Variants in NOVA1 observed in about 807,000 individuals in gnomAD.
NOVA1 encodes the protein NOVA alternative splicing regulator 1.
In NOVA1, 7 loss-of-function variants were observed where a neutral mutation model predicts 38.0. The observed-to-expected ratio is 0.18, with a 90% CI of 0.10 to 0.35. NOVA1 has a LOEUF of 0.35. NOVA1 is among the 10% of genes least tolerant of loss of function. The probability of loss-of-function intolerance (pLI) is 1.00; values close to 1 mark genes in which losing one functional copy is unlikely to be tolerated. For synonymous variants in NOVA1, 270 were observed against 232.5 expected, an observed-to-expected ratio of 1.16 and a Z score of -1.47; for missense variants, 460 against 616.0, an observed-to-expected ratio of 0.75 and a Z score of 2.68.
At chr14:26,515,434 T>C (rs1888391849) in intron 2 of NOVA1, among the ~76,000 whole-genome samples, 2 of 152,026 alleles carry the variant, frequency 1.3e-5, no homozygotes, top group African/African-American at 2.4e-5. Context: ...TTTTCTTACA[T>C]TCACTAGTAG....
chr14:26,530,538 A>C (rs1248590112), intron 2 of NOVA1, among the ~76,000 whole-genome samples: 1 of 152,184 alleles, frequency 6.6e-6, no homozygotes, highest in African/African-American at 2.4e-5. Flanking sequence ...GATCTATAAT[A>C]CTTATCTCTG....
intron 2 of NOVA1, among the ~76,000 whole-genome samples, chr14:26,572,686 T>A (rs1221498241): frequency 2.0e-5 from 3 of 150,428 alleles, no homozygotes; most frequent in Non-Finnish European, 4.4e-5. Context: ...TCCTGGATGA[T>A]CATATAAGCT....
chr14:26,585,752 AT>A (rs1893476749), intron 2 of NOVA1, among the ~76,000 whole-genome samples: 1 of 150,934 alleles, frequency 6.6e-6, no homozygotes, highest in South Asian at 2.1e-4. Flanking sequence ...ACTCTCCATA[AT>A]ATTGGATTTC....
At chr14:26,461,945 A>AC (rs368942891) in intron 4 of NOVA1, among the ~76,000 whole-genome samples, 1 of 151,180 alleles carries the variant, frequency 6.6e-6, no homozygotes, top group Admixed American at 6.6e-5. Flanking sequence ...CGTCTCAAAA[A>AC]ACAAAAACAA....
chr14:26,595,522 T>C lies in NOVA1; in HGVS notation c.168A>G (p.Ile56Met). 3 of 1,613,570 alleles carry C rather than the reference T, an allele frequency of 1.9e-6. No homozygotes were observed. Among genetic ancestry groups the C allele is most frequent in the East Asian group, 4.5e-5 (2 of 44,862 alleles). Reference sequence around the variant, plus strand: ...TTATAGATCCAGCAGCATAACTAGGTATGAGAACCTTTAGAAAATACTGGC... The same window carrying C: ...TTATAGATCCAGCAGCATAACTAGGCATGAGAACCTTTAGAAAATACTGGC... ...EDGQYFLKVL[I>M]PSYAAGSIIG... is the part of the protein sequence containing the mutation. Residue 56 changes from isoleucine to methionine, a missense_variant, in exon 2 of 5, where the codon ATA (isoleucine) becomes ATG (methionine). Physicochemically the swap from Ile to Met is conservative, Grantham distance 10. Transcript: ENST00000539517.
chr14:26,449,262 T>C (rs1245193), intron 4 of NOVA1, among the ~76,000 whole-genome samples: 97,357 of 152,042 alleles, frequency 0.64, 34,759 homozygotes, highest in Non-Finnish European at 0.79. Context: ...CAAGAGGGGA[T>C]CATAACTATA....
chr14:26,578,428 A>C (rs1391404307), intron 2 of NOVA1, among the ~76,000 whole-genome samples: 1 of 152,120 alleles, frequency 6.6e-6, no homozygotes, highest in African/African-American at 2.4e-5. Flanking sequence ...CAAGAACTTG[A>C]TACTGCAGGA....
At chr14:26,562,800 C>A (rs1372005426) in intron 2 of NOVA1, among the ~76,000 whole-genome samples, 2 of 152,162 alleles carry the variant, frequency 1.3e-5, no homozygotes, top group Non-Finnish European at 2.9e-5. Context: ...TTTACATATT[C>A]TCTTCTTTTC....
At chr14:26,580,031 A>G (rs1893113011) in intron 2 of NOVA1, among the ~76,000 whole-genome samples, 1 of 152,044 alleles carries the variant, frequency 6.6e-6, no homozygotes, top group Admixed American at 6.6e-5. Context: ...AGTAGCTGAG[A>G]TGAAAGGTGT....
chr14:26,503,732 C>T (rs1393177850), intron 2 of NOVA1, among the ~76,000 whole-genome samples: 1 of 151,920 alleles, frequency 6.6e-6, no homozygotes, highest in Non-Finnish European at 1.5e-5. Flanking sequence ...AAAAATTAAA[C>T]TTAGGGTTCA....
At chr14:26,576,589 A>G (rs968803530) in intron 2 of NOVA1, among the ~76,000 whole-genome samples, 1 of 151,860 alleles carries the variant, frequency 6.6e-6, no homozygotes, top group Admixed American at 6.6e-5. Flanking sequence ...ATCATTCACA[A>G]TGTGTGTGTC....
intron 2 of NOVA1, among the ~76,000 whole-genome samples, chr14:26,495,559 A>G (rs1886700789): frequency 6.6e-6 from 1 of 151,494 alleles, no homozygotes; most frequent in South Asian, 2.1e-4. Context: ...GGTTAGTTAC[A>G]TATGTATACA....
At chr14:26,509,961 T>C (rs988860957) in intron 2 of NOVA1, among the ~76,000 whole-genome samples, 1 of 152,180 alleles carries the variant, frequency 6.6e-6, no homozygotes, top group Non-Finnish European at 1.5e-5. Flanking sequence ...ATTATAGGCA[T>C]GAGCCACCGC....
chr14:26,553,435 G>GA (rs1891284704), intron 2 of NOVA1, among the ~76,000 whole-genome samples: 1 of 152,098 alleles, frequency 6.6e-6, no homozygotes, highest in South Asian at 2.1e-4. Flanking sequence ...CAAATCAAGC[G>GA]AGAGTTCATC....
chr14:26,553,909 G>A (rs1891318029), intron 2 of NOVA1, among the ~76,000 whole-genome samples: 1 of 151,940 alleles, frequency 6.6e-6, no homozygotes, highest in Non-Finnish European at 1.5e-5. Context: ...CACTTTGCAG[G>A]GCTGAGGTGG....
At chr14:26,588,087 T>C (rs571924073) in intron 2 of NOVA1, among the ~76,000 whole-genome samples, 1 of 151,232 alleles carries the variant, frequency 6.6e-6, no homozygotes, top group African/African-American at 2.4e-5. Flanking sequence ...AGTAAAATTA[T>C]GGAGCCATGA....
Position 26,446,909 on chromosome 14 carries a change from A to G in NOVA1, c.*1050T>C, listed in dbSNP as rs1048452294. The G allele has an allele frequency of 6.5e-6, 1 of 152,686 alleles. No homozygotes were observed. Among genetic ancestry groups the G allele is most frequent in the Admixed American group, 6.5e-5 (1 of 15,294 alleles). 9.5% of individuals were successfully genotyped at this position (152,686 alleles called of 1,614,324 possible). Reference sequence around the variant, plus strand: ...AGAAACTGCATTGGCTGCTAGCGCCATGCTGCAAAGACTCCATCATGGGAG... The same window carrying G: ...AGAAACTGCATTGGCTGCTAGCGCCGTGCTGCAAAGACTCCATCATGGGAG... On this transcript the variant is annotated 3_prime_UTR_variant, in exon 5 of 5. Transcript: ENST00000539517.
chr14:26,452,849 A>G (rs888780534), intron 4 of NOVA1, among the ~76,000 whole-genome samples: 1 of 152,212 alleles, frequency 6.6e-6, no homozygotes, highest in Non-Finnish European at 1.5e-5. Flanking sequence ...TGAAAGCTGG[A>G]GATAAAGGAT....
intron 2 of NOVA1, among the ~76,000 whole-genome samples, chr14:26,562,185 T>A (rs2138686142): frequency 6.6e-6 from 1 of 152,292 alleles, no homozygotes; most frequent in African/African-American, 2.4e-5. Flanking sequence ...TTCTGGTCCA[T>A]ATTAATAAAC....
Sources: allele counts gnomAD v4.1 joint callset (sites outside exome capture counted in the v4.1 genomes callset), GRCh38; gene constraint gnomAD v4.1.1; transcripts MANE v1.5; gene names NCBI Gene and HGNC (gene_info 2026-07-23, HGNC 2026-07-21).